The following MCUB variants were observed in gnomAD, a reference collection of about 807,000 sequenced individuals.
MCUB encodes mitochondrial calcium uniporter dominant negative subunit beta.
MCUB carries 46 observed loss-of-function variants against 41.4 expected under a neutral mutation model. The observed-to-expected ratio is 1.11, with a 90% CI of 0.88 to 1.42. The LOEUF is 1.42. MCUB is among the 40% of genes most tolerant of loss of function. The probability of loss-of-function intolerance (pLI) is 0.00; values close to 1 mark genes in which losing one functional copy is unlikely to be tolerated. For missense variants in MCUB, 403 were observed against 404.9 expected (o/e 1.00, Z 0.04); for synonymous variants, 148 against 148.2 (o/e 1.00, Z 0.01).
chr4:109,659,069 C>T lies in MCUB; in HGVS notation c.158C>T (p.Thr53Ile). The T allele has an allele frequency of 1.3e-6, 2 of 1,518,148 alleles. No homozygotes were observed. The highest frequency in any genetic ancestry group is 1.2e-5 in the South Asian group (1 of 83,332). The allele number at this position is 1,518,148 out of a possible 1,614,324, so 94.0% of individuals were successfully genotyped here. A position where few individuals can be genotyped will look rare whatever the true frequency, so the allele number is the denominator to read the frequency against. ...VKYYQSHHYS[T>I]VVPPDEITVI... is the part of the protein sequence containing the mutation. ...TACTACCAGTCACACCATTATAGTA[C>T]CGTGGTGCCACCTGATGGTAAGCTT... Residue 53 changes from threonine (T) to isoleucine (I), a missense_variant, in exon 2 of 8, where the codon ACC becomes ATC. By Grantham distance (89) the Thr-to-Ile change is moderately conservative. Coordinates refer to ENST00000394650, the MANE Select transcript of MCUB (RefSeq NM_017918.5).
At chr4:109,676,950 C>T (rs913818595) in intron 4 of MCUB, among the ~76,000 whole-genome samples, 2 of 152,222 alleles carry the variant, frequency 1.3e-5, no homozygotes, top group Non-Finnish European at 2.9e-5. Flanking sequence ...GAATCCAGAA[C>T]TTTAGAGCTA....
chr4:109,585,292 A>G (rs1479651263), intron 1 of MCUB, among the ~76,000 whole-genome samples: 1 of 151,678 alleles, frequency 6.6e-6, no homozygotes, highest in Non-Finnish European at 1.5e-5. Context: ...CCTGCTTTCC[A>G]TTTGCTTGGT....
At chr4:109,681,092 G>T (rs1167872434) in intron 4 of MCUB, among the ~76,000 whole-genome samples, 1 of 152,164 alleles carries the variant, frequency 6.6e-6, no homozygotes, top group Non-Finnish European at 1.5e-5. Flanking sequence ...GGACCCCTGT[G>T]ATAAGAGAGA....
chr4:109,646,583 C>G (rs1051024727), intron 1 of MCUB, among the ~76,000 whole-genome samples: 4 of 152,140 alleles, frequency 2.6e-5, no homozygotes, highest in African/African-American at 9.7e-5. Flanking sequence ...TACTTAAAAC[C>G]TTTCAATAAA....
intron 1 of MCUB, among the ~76,000 whole-genome samples, chr4:109,577,992 GA>G (rs1379870184): frequency 1.3e-5 from 2 of 152,136 alleles, no homozygotes; most frequent in Non-Finnish European, 2.9e-5. Context: ...GTTTTATGTG[GA>G]AAACTTCAAT....
intron 1 of MCUB, among the ~76,000 whole-genome samples, chr4:109,606,602 A>G (rs902339977): frequency 6.6e-6 from 1 of 152,150 alleles, no homozygotes; most frequent in African/African-American, 2.4e-5. Context: ...ACTGGTGACA[A>G]CTTAACATTG....
intron 4 of MCUB, among the ~76,000 whole-genome samples, chr4:109,673,338 G>A (rs1041253338): frequency 6.6e-6 from 1 of 152,134 alleles, no homozygotes; most frequent in African/African-American, 2.4e-5. Flanking sequence ...TAAGCCTTAG[G>A]TCTAAGTGGG....
At chr4:109,592,027 T>C (rs1407350252) in intron 1 of MCUB, among the ~76,000 whole-genome samples, 1 of 152,192 alleles carries the variant, frequency 6.6e-6, no homozygotes, top group Non-Finnish European at 1.5e-5. Context: ...ACTTGATCTT[T>C]TAAATGTTCT....
At chr4:109,648,955 C>T (rs907266877) in intron 1 of MCUB, among the ~76,000 whole-genome samples, 4 of 149,248 alleles carry the variant, frequency 2.7e-5, no homozygotes, top group Non-Finnish European at 5.9e-5. Context: ...TTAAGTGACA[C>T]GGAAAACAAC....
intron 1 of MCUB, among the ~76,000 whole-genome samples, chr4:109,577,090 G>A (rs920676159): frequency 4.6e-5 from 7 of 152,176 alleles, no homozygotes; most frequent in African/African-American, 4.8e-5. Context: ...TACCTCAAGT[G>A]ATCTGCCTGC....
chr4:109,665,890 G>A (rs1729333292), intron 4 of MCUB, among the ~76,000 whole-genome samples: 1 of 151,804 alleles, frequency 6.6e-6, no homozygotes, highest in Admixed American at 6.6e-5. Flanking sequence ...TTTAAGAAAG[G>A]GGGTACAACA....
At chr4:109,648,984 T>C (rs1322298186) in intron 1 of MCUB, among the ~76,000 whole-genome samples, 1 of 14,872 alleles carries the variant, frequency 6.7e-5, no homozygotes, top group Non-Finnish European at 1.3e-4. Flanking sequence ...TGATGGAGTT[T>C]TTATTTATTT....
In MCUB at chr4:109,687,855, TTATTCTC is replaced by T. The variant is rs1729886451; in HGVS notation, c.*267_*273del. On this transcript the variant is annotated 3_prime_UTR_variant, in exon 8 of 8. Transcript: ENST00000394650. ...AAATCCTTGTCAGCTTGTCCCACGTTTATTCTCTATGTGGAGGTGAAAGGGTCTGTGC... is the reference window on the plus strand; with the variant it reads ...AAATCCTTGTCAGCTTGTCCCACGTTTATGTGGAGGTGAAAGGGTCTGTGC... The T allele has an allele frequency of 2.4e-6, 1 of 422,428 alleles. No individual in the cohort carries two copies. Among genetic ancestry groups the T allele is most frequent in the Admixed American group, 4.2e-5 (1 of 23,538 alleles). 26.2% of individuals were successfully genotyped at this position (422,428 alleles called of 1,614,324 possible). A position where few individuals can be genotyped will look rare whatever the true frequency, so the allele number is the denominator to read the frequency against.
intron 4 of MCUB, among the ~76,000 whole-genome samples, chr4:109,679,901 A>G (rs1240905714): frequency 6.6e-6 from 1 of 152,078 alleles, no homozygotes; most frequent in Non-Finnish European, 1.5e-5. Flanking sequence ...TTCTGGGTTC[A>G]AGCAATTCTC....
At chr4:109,645,246 G>A (rs1052692445) in intron 1 of MCUB, among the ~76,000 whole-genome samples, 2 of 152,068 alleles carry the variant, frequency 1.3e-5, no homozygotes, top group African/African-American at 4.8e-5. Flanking sequence ...ACTGGTAGAG[G>A]TTGTACGAGT....
Position 109,687,550 on chromosome 4 carries a change from C to CT in MCUB, c.970dup (p.Cys324LeufsTer11). ...CCCTGAAACAGGCGCGTCATTCTCT[C>CT]TGTTTGCAAATGCAAGTAGAAGAAC... is the stretch of plus-strand genomic sequence containing the variant. On this transcript the variant is annotated frameshift_variant, in exon 8 of 8. Coordinates refer to ENST00000394650, the MANE Select transcript of MCUB (RefSeq NM_017918.5). LOFTEE classifies it low-confidence loss of function (END_TRUNC). 3.1e-6 allele frequency: 5 copies of CT among 1,612,902 alleles called. No individual in the cohort carries two copies. The highest frequency in any genetic ancestry group is 3.4e-6 in the Non-Finnish European group (4 of 1,179,148).
At chr4:109,643,602 T>C (rs565199074) in intron 1 of MCUB, among the ~76,000 whole-genome samples, 28 of 152,222 alleles carry the variant, frequency 1.8e-4, no homozygotes, top group Admixed American at 7.2e-4. Flanking sequence ...CCTCCCACAT[T>C]CAAGTGATTC....
intron 1 of MCUB, among the ~76,000 whole-genome samples, chr4:109,604,655 TGTA>T (rs1056800962): frequency 1.8e-4 from 27 of 152,346 alleles, no homozygotes; most frequent in African/African-American, 6.3e-4. Flanking sequence ...GTGGGTCTGT[TGTA>T]TATGGCTTTT....
rs1324219195 is a variant in MCUB at position 109,604,445 on chromosome 4, AATC to A, written c.99+44012_99+44014del. On this transcript the variant is annotated intron_variant, in intron 1 of 7. Coordinates refer to ENST00000394650, the MANE Select transcript of MCUB (RefSeq NM_017918.5). ...AGTCTGTAGGCTTTTCCAGATATAA[AATC>A]ATGTCATCTGCAAACAAGGATAAAT... is the stretch of plus-strand genomic sequence containing the variant. Among the ~76,000 whole-genome samples the A allele has an allele frequency of 4.7e-4, 71 of 152,290 alleles. 1 individual carries two copies. The East Asian group carries it at 0.013, about 29-fold the overall frequency.
Sources: gnomAD v4.1 joint callset for allele counts (sites outside exome capture counted in the v4.1 genomes callset) on GRCh38, gnomAD v4.1.1 for gene constraint, MANE v1.5 for transcripts, NCBI Gene and HGNC (gene_info 2026-07-23, HGNC 2026-07-21) for gene names.